The following TUBGCP3 variants were observed in gnomAD, a reference collection of about 807,000 sequenced individuals.
TUBGCP3 encodes tubulin gamma complex component 3.
TUBGCP3 carries 50 observed loss-of-function variants against 123.1 expected under a neutral mutation model. The ratio of observed to expected loss-of-function variants is 0.41; its 90% CI spans 0.32 to 0.51. TUBGCP3 has a LOEUF of 0.51. Among genes scored for constraint, TUBGCP3 ranks in the 20% least tolerant of loss-of-function variants. The pLI is 0.36. For missense variants in TUBGCP3, 882 were observed against 1,127.0 expected (o/e 0.78, Z 3.11); for synonymous variants, 405 against 413.9 (o/e 0.98, Z 0.26).
intron 1 of TUBGCP3, among the ~76,000 whole-genome samples, chr13:112,582,514 G>A (rs552117311): frequency 6.6e-6 from 1 of 152,198 alleles, no homozygotes; most frequent in African/African-American, 2.4e-5. Context: ...TGCCACGTGA[G>A]GAGCCCAGGG....
chr13:112,548,074 C>A (rs773924432), intron 9 of TUBGCP3, 34 bp downstream of exon 9: 1 of 1,480,178 alleles, frequency 6.8e-7, no homozygotes, highest in Non-Finnish European at 9.1e-7. Context: ...CACTTCAAAT[C>A]ATAAAGAAAT....
intron 13 of TUBGCP3, among the ~76,000 whole-genome samples, chr13:112,525,114 A>G (rs1455386287): frequency 6.6e-6 from 1 of 152,212 alleles, no homozygotes; most frequent in African/African-American, 2.4e-5. Context: ...TGCTTCCTAC[A>G]TGAGGTCCTA....
chr13:112,547,535 TGCATGG>T, intron 10 of TUBGCP3, 79 bp downstream of exon 10: 1 of 1,162,212 alleles, frequency 8.6e-7, no homozygotes, highest in Non-Finnish European at 1.1e-6. Context: ...GGGAAAGACG[TGCATGG>T]GAAAGTCGCG....
upstream of TUBGCP3, among the ~76,000 whole-genome samples, chr13:112,589,269 C>G (rs945104416): frequency 1.4e-4 from 22 of 152,232 alleles, no homozygotes; most frequent in Non-Finnish European, 1.0e-4. Context: ...TCCTGCCACC[C>G]TCTCCCCCAC....
At position 112,486,037 on chromosome 13, in the gene TUBGCP3, G is replaced by C. The variant is rs1386160926; in HGVS notation, c.2680C>G (p.Arg894Gly). 6.2e-7 allele frequency: 1 copy of C among 1,608,846 alleles called. No homozygotes were observed. The highest frequency in any genetic ancestry group is 8.5e-7 in the Non-Finnish European group (1 of 1,175,430). The change falls in exon 22 of 22, where the codon CGT becomes GGT. Residue 894 changes from arginine to glycine, a missense_variant. Transcript: ENST00000261965. Reference sequence around the variant, plus strand: ...CGCCCCCTGGTACCCAGAGACACACGGAGCCTGGGCTCCCTGGCTTTGTAA... The same window carrying C: ...CGCCCCCTGGTACCCAGAGACACACCGAGCCTGGGCTCCCTGGCTTTGTAA... ...EHYKAREPRL[R>G]VSLGTRGRRS...
At chr13:112,533,415 G>A (rs1248646152) in intron 11 of TUBGCP3, among the ~76,000 whole-genome samples, 2 of 152,174 alleles carry the variant, frequency 1.3e-5, no homozygotes, top group Admixed American at 1.3e-4. Flanking sequence ...GGAAAGCCCT[G>A]GGTCCTGTTC....
At chr13:112,507,883 G>T (rs1223233432) in intron 17 of TUBGCP3, among the ~76,000 whole-genome samples, 1 of 152,076 alleles carries the variant, frequency 6.6e-6, no homozygotes, top group Admixed American at 6.5e-5. Flanking sequence ...AGAATCTCTT[G>T]ATTTTCTTGA....
intron 11 of TUBGCP3, among the ~76,000 whole-genome samples, chr13:112,538,824 GGA>G (rs1223705475): frequency 6.6e-6 from 1 of 151,834 alleles, no homozygotes. Flanking sequence ...TTCCCATTAG[GGA>G]AACTAAGGAA....
chr13:112,577,753 C>A (rs1881941528), intron 1 of TUBGCP3, among the ~76,000 whole-genome samples: 1 of 152,200 alleles, frequency 6.6e-6, no homozygotes. Flanking sequence ...TAAAATAAAA[C>A]ATTTTTTTAA....
rs1279515562 is a variant in TUBGCP3, at chr13:112,527,404, A to C, written c.1416T>G (p.Pro472=). The change falls in exon 12 of 22, where the codon CCT becomes CCG. Residue 472 remains proline, a synonymous_variant. Transcript: ENST00000261965. ...DKYTLRKSMI[P]SFMTMDQSRK... ...TAGACTGATCCATCGTCATAAACGA[A>C]GGAATCATCGATTTCCTCAAAGTAT... is the stretch of plus-strand genomic sequence containing the variant. 6.3e-7 allele frequency: 1 copy of C among 1,593,570 alleles called. No homozygotes were observed. The highest frequency in any genetic ancestry group is 1.4e-5 in the African/African-American group (1 of 73,840).
intron 17 of TUBGCP3, among the ~76,000 whole-genome samples, chr13:112,510,238 A>G (rs1881585066): frequency 6.6e-6 from 1 of 152,210 alleles, no homozygotes; most frequent in Admixed American, 6.5e-5. Flanking sequence ...CCGGCTCTTA[A>G]GGACTTGTTC....
intron 1 of TUBGCP3, among the ~76,000 whole-genome samples, chr13:112,573,687 G>A (rs1375289622): frequency 6.6e-6 from 1 of 152,210 alleles, no homozygotes; most frequent in African/African-American, 2.4e-5. Flanking sequence ...TCCACCTTCC[G>A]AAAGCAATCA....
chr13:112,598,056 G>GA, the TUBGCP3 span, among the ~76,000 whole-genome samples: 5 of 152,098 alleles, frequency 3.3e-5, no homozygotes, highest in South Asian at 1.0e-3. Flanking sequence ...ATAGCCAGAG[G>GA]AAAAAAGAGG....
At chr13:112,499,988 CA>C (rs1463509728) in intron 19 of TUBGCP3, among the ~76,000 whole-genome samples, 1 of 152,040 alleles carries the variant, frequency 6.6e-6, no homozygotes, top group Non-Finnish European at 1.5e-5. Flanking sequence ...ATGCAAACAG[CA>C]GGGAAGGGGG....
rs1878948787 is a variant in TUBGCP3 at position 112,545,877 on chromosome 13, G to A, written c.1169-12C>T. The stretch of plus-strand genomic sequence containing the variant: ...ACCTCCTTTCCTTCCTGGGAGAAAT[G>A]GAGGAAAATACACAAAAACATCCAC... On this transcript the variant is annotated splice_polypyrimidine_tract_variant and intron_variant, in intron 10 of 21. Coordinates refer to ENST00000261965, the MANE Select transcript of TUBGCP3 (RefSeq NM_006322.6). This position sits in a 1 kb window ranked among gnomAD's most constrained non-coding sequence, Gnocchi z 4.1. 2 of 1,606,028 alleles carry A rather than the reference G, an allele frequency of 1.2e-6. No homozygotes were observed. The highest frequency in any genetic ancestry group is 1.7e-6 in the Non-Finnish European group (2 of 1,173,336).
intron 8 of TUBGCP3, among the ~76,000 whole-genome samples, chr13:112,552,717 T>C (rs1879681842): frequency 6.6e-6 from 1 of 152,084 alleles, no homozygotes; most frequent in Admixed American, 6.5e-5. Context: ...CAAAGTGTGA[T>C]GCCTACTCAG....
chr13:112,533,866 G>A (rs1041516821), intron 11 of TUBGCP3, among the ~76,000 whole-genome samples: 4 of 148,560 alleles, frequency 2.7e-5, no homozygotes, highest in African/African-American at 5.0e-5. Context: ...TTGGTTGCAC[G>A]AGTAAGTTCT....
chr13:112,543,673 A>G (rs1878716406), intron 11 of TUBGCP3, among the ~76,000 whole-genome samples: 1 of 152,240 alleles, frequency 6.6e-6, no homozygotes, highest in Non-Finnish European at 1.5e-5. Flanking sequence ...GATAAAACGT[A>G]GTAAAACTTG....
At chr13:112,527,608 T>C in intron 11 of TUBGCP3, 124 bp from the exon 12 acceptor site, 1 of 639,978 alleles carries the variant, frequency 1.6e-6, no homozygotes. Context: ...GAGTCTTACC[T>C]ATTTATACAA....
Sources: gnomAD v4.1 joint callset for allele counts (sites outside exome capture counted in the v4.1 genomes callset) on GRCh38, gnomAD v4.1.1 for gene constraint, Gnocchi (gnomAD v3.1) non-coding constraint, MANE v1.5 for transcripts, NCBI Gene and HGNC (gene_info 2026-07-23, HGNC 2026-07-21) for gene names.